Variants in OLFM3 observed in about 807,000 individuals in gnomAD.
OLFM3 encodes olfactomedin 3, also known as noelin-3.
OLFM3 carries 20 observed loss-of-function variants against 48.6 expected under a neutral mutation model. That is an observed-to-expected ratio of 0.41 (90% CI 0.29 to 0.60). OLFM3 has a LOEUF of 0.60. OLFM3 is among the 20% of genes least tolerant of loss of function. OLFM3 has a pLI of 0.28. For missense variants in OLFM3, 437 were observed against 544.3 expected (o/e 0.80, Z 1.96); for synonymous variants, 222 against 198.1 (o/e 1.12, Z -1.01).
In OLFM3 at chr1:101,832,556, G is replaced by A. The variant is rs537493115; in HGVS notation, c.217-1729C>T. 1.6e-4 allele frequency among the ~76,000 whole-genome samples: 25 copies of A among 152,296 alleles called. No individual in the cohort carries two copies. In the South Asian group the frequency reaches 4.3e-3, roughly 26 times the overall value. ...TCTTAAAACTAATTGTGTTATGTGG[G>A]TGTGGAGTAGGGGCAGGGAAGTAGC... is the stretch of plus-strand genomic sequence containing the variant. On this transcript the variant is annotated intron_variant, in intron 2 of 5. Transcript: ENST00000370103.
At chr1:101,820,373 T>C (rs1373124991) in intron 4 of OLFM3, among the ~76,000 whole-genome samples, 4 of 151,918 alleles carry the variant, frequency 2.6e-5, no homozygotes, top group Non-Finnish European at 5.9e-5. Flanking sequence ...ATTAAATATC[T>C]ATTTGGTGTT....
At chr1:101,995,084 A>T (rs1166043031) in intron 1 of OLFM3, among the ~76,000 whole-genome samples, 1 of 152,124 alleles carries the variant, frequency 6.6e-6, no homozygotes, top group African/African-American at 2.4e-5. Context: ...TGCATCAAAG[A>T]TAACAGACAA....
intron 1 of OLFM3, among the ~76,000 whole-genome samples, chr1:101,841,782 G>A (rs1364274615): frequency 6.6e-6 from 1 of 152,144 alleles, no homozygotes; most frequent in Non-Finnish European, 1.5e-5. Flanking sequence ...GATTTTCTGG[G>A]TATTTCATAA....
chr1:101,874,114 ATAGT>A (rs1237356985), intron 1 of OLFM3, among the ~76,000 whole-genome samples: 7 of 151,912 alleles, frequency 4.6e-5, no homozygotes, highest in Non-Finnish European at 8.8e-5. Flanking sequence ...AGTTGGAAAA[ATAGT>A]TAGGGAACTT....
intron 4 of OLFM3, among the ~76,000 whole-genome samples, chr1:101,823,302 C>T (rs1654697945): frequency 1.3e-5 from 2 of 151,958 alleles, no homozygotes; most frequent in Non-Finnish European, 1.5e-5. Flanking sequence ...GCGAGGACAC[C>T]AGCTTAGTCT....
At position 101,971,179 on chromosome 1, in the gene OLFM3, A is replaced by G. The variant is rs79739895; in HGVS notation, c.69+25569T>C. Among the ~76,000 whole-genome samples the G allele has an allele frequency of 6.6e-3, 1,005 of 152,322 alleles. 9 individuals carry two copies. The highest frequency in any genetic ancestry group is 0.022 in the African/African-American group (922 of 41,578). ...CAGTATAAGAGAGAAGTGGGCATCA[A>G]TTGTTCTGGTCTGGTGAGAGATGAG... On this transcript the variant is annotated intron_variant, in intron 1 of 5. Coordinates refer to ENST00000370103, the MANE Select transcript of OLFM3 (RefSeq NM_058170.4).
intron 1 of OLFM3, among the ~76,000 whole-genome samples, chr1:101,931,626 A>G (rs1659447692): frequency 6.6e-6 from 1 of 152,232 alleles, no homozygotes; most frequent in African/African-American, 2.4e-5. Context: ...GGGTGCCCAT[A>G]GCTATACTGA....
rs745538524 is a variant in OLFM3, at chr1:101,804,658, G to A, written c.957C>T (p.Tyr319=). The A allele has an allele frequency of 8.7e-6, 14 of 1,612,532 alleles. No individual in the cohort carries two copies. Among genetic ancestry groups the A allele is most frequent in the South Asian group, 3.3e-5 (3 of 91,054 alleles). ...CGATGTCAGAGAATCCACCCCATGT[G>A]TAGGGGTAAACATTATGAAAACCAG... The part of the protein sequence containing the change: ...EYAGFHNVYP[Y]TWGGFSDIDL... Residue 319 remains tyrosine (Y), a synonymous_variant, in exon 6 of 6, where the codon TAC becomes TAT. Coordinates refer to ENST00000370103, the MANE Select transcript of OLFM3 (RefSeq NM_058170.4). The surrounding 1 kb of genome is among the most constrained non-coding windows in gnomAD (Gnocchi z 4.5).
intron 4 of OLFM3, among the ~76,000 whole-genome samples, chr1:101,822,304 G>A (rs530289765): frequency 6.6e-6 from 1 of 152,180 alleles, no homozygotes; most frequent in African/African-American, 2.4e-5. Flanking sequence ...GTTGTTTTTT[G>A]TGTTGTTCAT....
At chr1:101,979,781 T>G (rs1661055305) in intron 1 of OLFM3, among the ~76,000 whole-genome samples, 1 of 152,128 alleles carries the variant, frequency 6.6e-6, no homozygotes, top group Admixed American at 6.5e-5. Flanking sequence ...AGGGCCACCA[T>G]CCTCCAGCCC....
chr1:101,883,630 C>T (rs1010590), intron 1 of OLFM3, among the ~76,000 whole-genome samples: 73,391 of 151,706 alleles, frequency 0.48, 18,263 homozygotes, highest in Non-Finnish European at 0.56. Context: ...TTGGCTTTTC[C>T]ACCTGGGAAC....
chr1:101,884,305 G>C lies in OLFM3; in HGVS notation c.70-47280C>G, dbSNP rs376507667. On this transcript the variant is annotated intron_variant, in intron 1 of 5. Coordinates refer to ENST00000370103, the MANE Select transcript of OLFM3 (RefSeq NM_058170.4). Reference sequence around the variant, plus strand: ...GATAATTTAGTGCCAGCAAAGGATGGTTTAATGTTTTCCCAAAGAGATTGA... The same window carrying C: ...GATAATTTAGTGCCAGCAAAGGATGCTTTAATGTTTTCCCAAAGAGATTGA... Among the ~76,000 whole-genome samples the C allele has an allele frequency of 1.3e-3, 191 of 152,080 alleles. 1 individual carries two copies. The highest frequency in any genetic ancestry group is 4.2e-3 in the African/African-American group (175 of 41,522).
intron 1 of OLFM3, among the ~76,000 whole-genome samples, chr1:101,917,116 C>T (rs534639703): frequency 6.6e-6 from 1 of 151,978 alleles, no homozygotes; most frequent in Non-Finnish European, 1.5e-5. Context: ...TTTAAGAGTA[C>T]AATATTCTGT....
rs190309119 is a variant in OLFM3 at position 101,946,325 on chromosome 1, A to C, written c.69+50423T>G. Among the ~76,000 whole-genome samples the C allele has an allele frequency of 3.8e-3, 574 of 152,326 alleles. 4 individuals carry two copies. Among genetic ancestry groups the C allele is most frequent in the African/African-American group, 0.013 (530 of 41,586 alleles). On this transcript the variant is annotated intron_variant, in intron 1 of 5. Transcript: ENST00000370103. ...GTTAGACATAATTTATTTGAGTATC[A>C]CGAGAATCCTTTGAAAATCTAGAGA...
intron 1 of OLFM3, chr1:101,846,699 TATG>T (rs1039501194): frequency 1.7e-6 from 1 of 587,114 alleles, no homozygotes; most frequent in Non-Finnish European, 3.1e-6. Flanking sequence ...TATAAATAAA[TATG>T]ATGAAAGTTA....
intron 1 of OLFM3, among the ~76,000 whole-genome samples, chr1:101,916,143 C>A (rs943605338): frequency 2.6e-5 from 4 of 152,130 alleles, no homozygotes; most frequent in African/African-American, 9.7e-5. Context: ...CAGTCACTTT[C>A]ATCTCCTAAT....
At chr1:101,891,463 C>T (rs1657994762) in intron 1 of OLFM3, among the ~76,000 whole-genome samples, 1 of 151,784 alleles carries the variant, frequency 6.6e-6, no homozygotes, top group Non-Finnish European at 1.5e-5. Flanking sequence ...AACGTAAGCA[C>T]TAGAGGAATA....
At chr1:101,901,713 A>G (rs549931707) in intron 1 of OLFM3, among the ~76,000 whole-genome samples, 1 of 152,212 alleles carries the variant, frequency 6.6e-6, no homozygotes, top group African/African-American at 2.4e-5. Context: ...GACCTGACAG[A>G]TAATTGACTA....
At chr1:101,928,095 T>A (rs1659329999) in intron 1 of OLFM3, among the ~76,000 whole-genome samples, 2 of 152,112 alleles carry the variant, frequency 1.3e-5, no homozygotes, top group Admixed American at 1.3e-4. Context: ...ATTTTTTGAA[T>A]GAATGAATCA....
Sources: allele counts gnomAD v4.1 joint callset (sites outside exome capture counted in the v4.1 genomes callset), GRCh38; gene constraint gnomAD v4.1.1; non-coding constraint Gnocchi (gnomAD v3.1); transcripts MANE v1.5; gene names NCBI Gene and HGNC (gene_info 2026-07-23, HGNC 2026-07-21).